Variants in TRPM1 observed in about 807,000 individuals in gnomAD.
The protein encoded by TRPM1 is transient receptor potential cation channel subfamily M member 1.
Under a neutral mutation model 149.4 loss-of-function variants are expected in TRPM1, and 113 were observed. The observed-to-expected ratio is 0.76, with a 90% CI of 0.65 to 0.88. The LOEUF (loss-of-function observed/expected upper bound fraction) is 0.88. Among genes scored for constraint, TRPM1 ranks in the 40% least tolerant of loss-of-function variants. The pLI is 0.00. For missense variants in TRPM1, 1,976 were observed against 2,038.7 expected (o/e 0.97, Z 0.59); for synonymous variants, 741 against 759.5 (o/e 0.98, Z 0.40).
rs369084166 is a variant in TRPM1 at position 31,002,940 on chromosome 15, C to A, written c.3760G>T (p.Glu1254Ter). 4.2e-5 allele frequency: 68 copies of A among 1,602,214 alleles called. No homozygotes were observed. Among genetic ancestry groups the A allele is most frequent in the Non-Finnish European group, 5.5e-5 (64 of 1,172,572 alleles). ...ELSNRMVNAL[E>*]NLAGIDRSDL... ...GACCTGTCGATTCCCGCAAGATTTT[C>A]AAGAGCATTCACCATTCTGTTAGAT... The change falls in exon 28 of 28, where the codon GAA becomes TAA. Residue 1254 changes from glutamate to a stop codon, truncating the protein, a stop_gained. Coordinates refer to ENST00000256552, the MANE Select transcript of TRPM1 (RefSeq NM_001252024.2). LOFTEE classifies it low-confidence loss of function (END_TRUNC).
intron 5 of TRPM1, 77 bp from the exon 6 acceptor site, chr15:31,067,264 TGCCCTGA>T: frequency 6.3e-7 from 1 of 1,598,258 alleles, no homozygotes; most frequent in African/African-American, 1.3e-5. Flanking sequence ...TAGGGACACT[TGCCCTGA>T]GTCCCTACAT....
chr15:31,086,506 G>A (rs1395954095), intron 1 of TRPM1, among the ~76,000 whole-genome samples: 1 of 152,236 alleles, frequency 6.6e-6, no homozygotes, highest in African/African-American at 2.4e-5. Context: ...TCTTTCGAGG[G>A]GTGGTGACCA....
chr15:31,018,820 C>T (rs140017467), intron 27 of TRPM1, among the ~76,000 whole-genome samples: 129 of 152,360 alleles, frequency 8.5e-4, no homozygotes, highest in African/African-American at 2.9e-3. Flanking sequence ...CTACACCCGG[C>T]TAATTTTGTA....
At chr15:31,067,759 C>A in intron 5 of TRPM1, 120 bp downstream of exon 5, 2 of 1,005,542 alleles carry the variant, frequency 2.0e-6, no homozygotes, top group South Asian at 2.7e-5. Flanking sequence ...TCACTTTAGT[C>A]ATAAATAGGA....
chr15:31,049,995 C>G (rs2033901775), intron 12 of TRPM1, among the ~76,000 whole-genome samples: 1 of 152,228 alleles, frequency 6.6e-6, no homozygotes, highest in African/African-American at 2.4e-5. Flanking sequence ...TCCAGCCTCC[C>G]CACCTAAACT....
intron 4 of TRPM1, chr15:31,069,353 T>C (rs1467129980): frequency 9.9e-6 from 9 of 910,528 alleles, no homozygotes; most frequent in African/African-American, 3.6e-5. Context: ...TGGGCTAATA[T>C]GTAGGGTGCC....
intron 1 of TRPM1, among the ~76,000 whole-genome samples, chr15:31,134,185 G>A (rs2141045881): frequency 6.6e-6 from 1 of 152,326 alleles, no homozygotes; most frequent in East Asian, 1.9e-4. Context: ...CTGGATTTCA[G>A]TTTCCTCAAA....
chr15:31,015,411 TAAA>T (rs555343032), intron 27 of TRPM1, among the ~76,000 whole-genome samples: 2 of 135,254 alleles, frequency 1.5e-5, no homozygotes. Flanking sequence ...GACTCCGTCT[TAAA>T]AAAAAAAAAA....
chr15:31,092,266 G>A (rs1015420828), intron 1 of TRPM1, among the ~76,000 whole-genome samples: 1 of 152,134 alleles, frequency 6.6e-6, no homozygotes, highest in African/African-American at 2.4e-5. Flanking sequence ...CACCGTGACG[G>A]TCCCACAGAA....
chr15:31,075,906 T>C (rs1416527790), intron 3 of TRPM1, among the ~76,000 whole-genome samples: 1 of 151,736 alleles, frequency 6.6e-6, no homozygotes, highest in African/African-American at 2.4e-5. Flanking sequence ...TAATCCATGC[T>C]GGGGACTGCA....
intron 1 of TRPM1, among the ~76,000 whole-genome samples, chr15:31,146,012 CT>C (rs1419880638): frequency 6.6e-6 from 1 of 152,080 alleles, no homozygotes; most frequent in African/African-American, 2.4e-5. Context: ...GAATGTGGGC[CT>C]CATTCAAAGC....
At chr15:31,134,951 A>C (rs1042777534) in intron 1 of TRPM1, among the ~76,000 whole-genome samples, 2 of 152,182 alleles carry the variant, frequency 1.3e-5, no homozygotes, top group Non-Finnish European at 2.9e-5. Flanking sequence ...GGTTGCAGTG[A>C]GCCAAGATCG....
At chr15:31,154,808 T>A (rs181179844) in intron 1 of TRPM1, among the ~76,000 whole-genome samples, 1 of 152,128 alleles carries the variant, frequency 6.6e-6, no homozygotes, top group Non-Finnish European at 1.5e-5. Context: ...CCCAGATCAA[T>A]ACACTGGCTC....
In TRPM1 at chr15:31,050,513, T is replaced by G. The variant is rs886051031; in HGVS notation, c.1333A>C (p.Thr445Pro). The G allele has an allele frequency of 1.3e-5, 21 of 1,613,976 alleles. No homozygotes were observed. The highest frequency in any genetic ancestry group is 1.7e-5 in the Non-Finnish European group (20 of 1,180,038). ...CCTTTTCCTCTTCCTCCCTTGGTGG[T>G]GGCCATGGGTGGCTTCTTCTCCTTC... The part of the protein sequence containing the change: ...TEKEKKPPMA[T>P]TKGGRGKGKG... Residue 445 changes from threonine (T) to proline (P), a missense_variant, in exon 12 of 28, where the codon ACC becomes CCC. Physicochemically the swap from Thr to Pro is conservative, Grantham distance 38 (BLOSUM62 -1). Around this residue, in one of 3 missense-constraint regions of TRPM1, gnomAD observed 1,332 missense variants for 1,347.1 expected, o/e 0.99. Coordinates refer to ENST00000256552, the MANE Select transcript of TRPM1 (RefSeq NM_001252024.2).
chr15:31,052,548 A>G (rs1027686078), intron 11 of TRPM1, among the ~76,000 whole-genome samples: 4 of 152,164 alleles, frequency 2.6e-5, no homozygotes, highest in Non-Finnish European at 4.4e-5. Flanking sequence ...GCCGAGGCAG[A>G]TGGATCACCT....
chr15:31,107,381 A>C (rs1468785970), intron 1 of TRPM1, among the ~76,000 whole-genome samples: 2 of 152,106 alleles, frequency 1.3e-5, no homozygotes, highest in African/African-American at 4.8e-5. Context: ...CTTTGTATTA[A>C]TATGTCTAGA....
intron 1 of TRPM1, among the ~76,000 whole-genome samples, chr15:31,132,826 C>A (rs1213772510): frequency 6.6e-6 from 1 of 152,130 alleles, no homozygotes; most frequent in African/African-American, 2.4e-5. Context: ...CTCACGAGAC[C>A]TGATGGTTTT....
At chr15:31,043,437 C>T (rs1302261567) in intron 16 of TRPM1, among the ~76,000 whole-genome samples, 1 of 152,164 alleles carries the variant, frequency 6.6e-6, no homozygotes, top group Non-Finnish European at 1.5e-5. Flanking sequence ...CGTGGTCCTC[C>T]CGCCTCGGCC....
intron 23 of TRPM1, 76 bp downstream of exon 23, chr15:31,030,907 G>A (rs1595994156): frequency 6.5e-7 from 1 of 1,534,468 alleles, no homozygotes; most frequent in East Asian, 2.2e-5. Flanking sequence ...ATTAATACAT[G>A]TTCTTCCATT....
Sources: gnomAD v4.1 joint callset for allele counts (sites outside exome capture counted in the v4.1 genomes callset) on GRCh38, gnomAD v4.1.1 for gene constraint, gnomAD v4.1.1 regional missense constraint, MANE v1.5 for transcripts, NCBI Gene and HGNC (gene_info 2026-07-23, HGNC 2026-07-21) for gene names.